CCDC138: variants seen among roughly 807,000 people sequenced by gnomAD.
The protein encoded by CCDC138 is coiled-coil domain-containing protein 138.
In CCDC138, 66 loss-of-function variants were observed where a neutral mutation model predicts 82.3. That is an observed-to-expected ratio of 0.80 (90% CI 0.66 to 0.98). The LOEUF (loss-of-function observed/expected upper bound fraction) is 0.98. Among genes scored for constraint, CCDC138 ranks in the 50% least tolerant of loss-of-function variants. The probability of loss-of-function intolerance (pLI) is 0.00; values close to 1 mark genes in which losing one functional copy is unlikely to be tolerated. For synonymous variants in CCDC138, 297 were observed against 265.4 expected (o/e 1.12, Z -1.16); for missense variants, 816 against 758.9 (o/e 1.08, Z -0.88).
chr2:108,841,008 G>T (rs1202987114), intron 11 of CCDC138, among the ~76,000 whole-genome samples: 2 of 147,598 alleles, frequency 1.4e-5, no homozygotes, highest in South Asian at 2.1e-4. Flanking sequence ...TGTGTTTTTT[G>T]TTTGTTTGTT....
intron 12 of CCDC138, among the ~76,000 whole-genome samples, chr2:108,852,371 G>A (rs887237416): frequency 2.1e-4 from 32 of 152,096 alleles, no homozygotes; most frequent in African/African-American, 7.7e-4. Flanking sequence ...AAAGACAAAT[G>A]CCATTCAACC....
chr2:108,865,347 A>G (rs1365509851), intron 13 of CCDC138, among the ~76,000 whole-genome samples: 1 of 152,134 alleles, frequency 6.6e-6, no homozygotes, highest in Non-Finnish European at 1.5e-5. Context: ...CTTATTTGGT[A>G]GTAGTGATTT....
chr2:108,845,138 C>A (rs1405678231), intron 11 of CCDC138, among the ~76,000 whole-genome samples: 1 of 151,998 alleles, frequency 6.6e-6, no homozygotes, highest in Non-Finnish European at 1.5e-5. Flanking sequence ...TTACCTTAAT[C>A]CTGTCATTTA....
chr2:108,848,172 A>G (rs566290906), intron 12 of CCDC138, among the ~76,000 whole-genome samples: 2 of 152,346 alleles, frequency 1.3e-5, no homozygotes, highest in African/African-American at 4.8e-5. Flanking sequence ...TTTAACTAAG[A>G]TGTTTGAAAT....
At chr2:108,788,766 T>G (rs1389298283) in intron 2 of CCDC138, 86 bp from the exon 3 acceptor site, 11 of 1,495,944 alleles carry the variant, frequency 7.4e-6, no homozygotes, top group Non-Finnish European at 9.8e-6. Flanking sequence ...ATTTTAAAAA[T>G]AGTATTATTT....
rs748098345 is a variant in CCDC138 at position 108,804,909 on chromosome 2, A to T, written c.756A>T (p.Glu252Asp). 6.4e-7 allele frequency: 1 copy of T among 1,561,474 alleles called. No individual in the cohort carries two copies. The highest frequency in any genetic ancestry group is 1.2e-5 in the South Asian group (1 of 81,070). ...IIKEQHDAEV[E>D]HLTEVLKEKN... ...CCTAGCAGCATGATGCAGAAGTTGA[A>T]CACTTAACCGAAGTTCTTAAGGAAA... Residue 252 changes from glutamate to aspartate, a missense_variant, in exon 7 of 15, where the codon GAA (glutamate) becomes GAT (aspartate). Coordinates refer to ENST00000295124, the MANE Select transcript of CCDC138 (RefSeq NM_144978.3).
intron 14 of CCDC138, among the ~76,000 whole-genome samples, chr2:108,874,630 C>T (rs187948393): frequency 3.3e-5 from 5 of 152,218 alleles, no homozygotes; most frequent in Non-Finnish European, 5.9e-5. Context: ...AAATGCAATG[C>T]ATCTTGAAAT....
At chr2:108,851,643 T>C (rs1212663679) in intron 12 of CCDC138, among the ~76,000 whole-genome samples, 1 of 152,116 alleles carries the variant, frequency 6.6e-6, no homozygotes, top group Non-Finnish European at 1.5e-5. Context: ...ACATCACAAT[T>C]CTGTCCACCA....
Position 108,812,650 on chromosome 2 carries a change from A to C in CCDC138, c.875A>C (p.Glu292Ala). The C allele has an allele frequency of 6.2e-7, 1 of 1,612,764 alleles. No homozygotes were observed. Among genetic ancestry groups the C allele is most frequent in the Non-Finnish European group, 8.5e-7 (1 of 1,178,866 alleles). ...LKKQLNEASE[E>A]NRKIDIQAKR... ...CTTTAGTTAAATGAAGCAAGTGAAG[A>C]AAACAGGAAGATAGACATTCAGGCT... The change falls in exon 8 of 15, where the codon GAA (glutamate) becomes GCA (alanine). Residue 292 changes from glutamate (E) to alanine (A), a missense_variant. Transcript: ENST00000295124.
chr2:108,818,046 C>T (rs760986449), intron 10 of CCDC138, among the ~76,000 whole-genome samples: 2 of 152,170 alleles, frequency 1.3e-5, no homozygotes, highest in Admixed American at 6.5e-5. Context: ...TGGCTCATAC[C>T]TGTAATCCTT....
chr2:108,871,169 A>G (rs533247800), intron 13 of CCDC138, among the ~76,000 whole-genome samples: 13 of 152,120 alleles, frequency 8.5e-5, no homozygotes, highest in Non-Finnish European at 1.8e-4. Context: ...GGCATGCATT[A>G]TACATGTTAT....
intron 7 of CCDC138, among the ~76,000 whole-genome samples, 192 bp from the exon 8 acceptor site, chr2:108,812,439 G>T (rs1290990436): frequency 6.6e-6 from 1 of 152,110 alleles, no homozygotes; most frequent in Non-Finnish European, 1.5e-5. Context: ...TGAAGTAAAT[G>T]ATCTTACAAA....
At chr2:108,875,694 C>T (rs574779174) in intron 14 of CCDC138, among the ~76,000 whole-genome samples, 2 of 152,120 alleles carry the variant, frequency 1.3e-5, no homozygotes, top group East Asian at 1.9e-4. Flanking sequence ...CCTGTCTCTA[C>T]AAAAAATAAA....
rs1687289222 is a variant in CCDC138 at position 108,829,998 on chromosome 2, A to T, written c.1207-9187A>T. Reference sequence around the variant, plus strand: ...AGTTTATAGCAAGATTATATATAATAAAAAGAAGGTGGACACAAGGTAAAT... The same window carrying T: ...AGTTTATAGCAAGATTATATATAATTAAAAGAAGGTGGACACAAGGTAAAT... On this transcript the variant is annotated intron_variant, in intron 10 of 14. Coordinates refer to ENST00000295124, the MANE Select transcript of CCDC138 (RefSeq NM_144978.3). Among the ~76,000 whole-genome samples the T allele has an allele frequency of 2.0e-5, 3 of 149,786 alleles. No homozygotes were observed. In the South Asian group the frequency reaches 6.2e-4, roughly 31 times the overall value.
chr2:108,822,473 ACT>A (rs761051953), intron 10 of CCDC138, among the ~76,000 whole-genome samples: 2 of 152,206 alleles, frequency 1.3e-5, no homozygotes, highest in Admixed American at 6.5e-5. Flanking sequence ...TATACAGAAC[ACT>A]CTACCCAACA....
At chr2:108,848,247 A>G (rs533892728) in intron 12 of CCDC138, among the ~76,000 whole-genome samples, 66 of 152,352 alleles carry the variant, frequency 4.3e-4, no homozygotes, top group African/African-American at 1.5e-3. Context: ...ATATGCTAAG[A>G]AAAGCAAAAA....
At chr2:108,800,384 T>C (rs7561751) in intron 6 of CCDC138, among the ~76,000 whole-genome samples, 152,177 of 152,178 alleles carry the variant, frequency 1, 76,088 homozygotes, top group Middle Eastern at 1. Flanking sequence ...CCTGCCTTAA[T>C]CTCCTGAGTA....
At chr2:108,838,097 G>A (rs1003273582) in intron 10 of CCDC138, among the ~76,000 whole-genome samples, 1 of 152,008 alleles carries the variant, frequency 6.6e-6, no homozygotes. Flanking sequence ...AGCTCTAGGG[G>A]TGGTCCCTAG....
intron 6 of CCDC138, among the ~76,000 whole-genome samples, chr2:108,800,409 C>T (rs368184143): frequency 2.0e-5 from 3 of 152,036 alleles, no homozygotes; most frequent in Admixed American, 1.3e-4. Context: ...GGAATACAGG[C>T]GCCCACCACC....
Sources: allele counts gnomAD v4.1 joint callset (sites outside exome capture counted in the v4.1 genomes callset), GRCh38; gene constraint gnomAD v4.1.1; transcripts MANE v1.5; gene names NCBI Gene and HGNC (gene_info 2026-07-23, HGNC 2026-07-21).